EDA: variants seen among roughly 807,000 people sequenced by gnomAD.
EDA encodes ectodysplasin A, also known as ectodysplasin-A.
A neutral mutation model predicts 23.6 loss-of-function variants in EDA; 2 were observed. The ratio of observed to expected loss-of-function variants is 0.08; its 90% CI spans 0.03 to 0.27. The LOEUF (loss-of-function observed/expected upper bound fraction) is 0.27. Among genes scored for constraint, EDA ranks in the 10% least tolerant of loss-of-function variants. The pLI is 1.00. For synonymous variants in EDA, 131 were observed against 132.0 expected (o/e 0.99, Z 0.05); for missense variants, 229 against 324.2 (o/e 0.71, Z 2.26).
chrX:69,980,353 T>A (rs985626036), intron 2 of EDA, among the ~76,000 whole-genome samples: 5 of 112,051 alleles, frequency 4.5e-5, no homozygotes, highest in African/African-American at 1.6e-4. Context: ...AATAACAGAC[T>A]GCATTTTGCC....
chrX:69,735,693 C>T (rs1264758805), intron 1 of EDA, among the ~76,000 whole-genome samples: 6 of 110,930 alleles, frequency 5.4e-5, no homozygotes, highest in Non-Finnish European at 1.1e-4. Flanking sequence ...ATTCATGAAC[C>T]CACTCTTGAG....
intron 1 of EDA, among the ~76,000 whole-genome samples, chrX:69,787,177 A>G (rs368935897): frequency 1.0e-5 from 1 of 97,330 alleles, no homozygotes; most frequent in East Asian, 3.1e-4. Flanking sequence ...TTTTGAGCCT[A>G]TGTGTGTCTC....
intron 1 of EDA, among the ~76,000 whole-genome samples, chrX:69,730,553 T>G (rs1183698057): frequency 8.9e-6 from 1 of 112,147 alleles, no homozygotes; most frequent in Non-Finnish European, 1.9e-5. Context: ...AAATCCTTTC[T>G]AGTCTTCAGA....
chrX:69,795,015 T>G (rs1316934049), intron 1 of EDA, among the ~76,000 whole-genome samples: 1 of 111,457 alleles, frequency 9.0e-6, no homozygotes, highest in Non-Finnish European at 1.9e-5. Flanking sequence ...ACATATTTAT[T>G]TATTTTTTAT....
At chrX:69,752,130 A>G (rs1487216678) in intron 1 of EDA, among the ~76,000 whole-genome samples, 1 of 111,211 alleles carries the variant, frequency 9.0e-6, no homozygotes, top group African/African-American at 3.3e-5. Context: ...AGGAGTGGTG[A>G]GAGAGGACAT....
intron 1 of EDA, among the ~76,000 whole-genome samples, chrX:69,794,576 C>A (rs2015496978): frequency 8.9e-6 from 1 of 112,103 alleles, no homozygotes; most frequent in Non-Finnish European, 1.9e-5. Context: ...CTATGAATTT[C>A]TAAAAGACTC....
chrX:69,963,328 T>G (rs748801247), intron 2 of EDA, among the ~76,000 whole-genome samples: 6 of 112,169 alleles, frequency 5.3e-5, no homozygotes, highest in Non-Finnish European at 1.1e-4. Flanking sequence ...GCTCTTGTAT[T>G]TATTGCTTTC....
At chrX:69,829,174 T>G (rs753131060) in intron 1 of EDA, among the ~76,000 whole-genome samples, 24 of 112,612 alleles carry the variant, frequency 2.1e-4, no homozygotes, top group Non-Finnish European at 4.1e-4. Flanking sequence ...CTTTTCTATC[T>G]TGTTCATAGG....
At chrX:69,769,632 T>C (rs1319304615) in intron 1 of EDA, among the ~76,000 whole-genome samples, 2 of 111,633 alleles carry the variant, frequency 1.8e-5, no homozygotes, top group African/African-American at 3.3e-5. Flanking sequence ...TTAAGTATCA[T>C]TATAATTATA....
intron 2 of EDA, among the ~76,000 whole-genome samples, chrX:69,959,933 G>C (rs903407812): frequency 8.9e-6 from 1 of 111,878 alleles, no homozygotes; most frequent in African/African-American, 3.2e-5. Context: ...AGAAAGATCA[G>C]TGTGGCTGGG....
At chrX:69,784,042 G>A (rs1326696646) in intron 1 of EDA, among the ~76,000 whole-genome samples, 9 of 108,685 alleles carry the variant, frequency 8.3e-5, no homozygotes, top group African/African-American at 3.0e-4. Context: ...CTGATGGCCA[G>A]TGATGGTGAG....
intron 1 of EDA, among the ~76,000 whole-genome samples, chrX:69,624,104 C>T (rs942513452): frequency 9.0e-6 from 1 of 111,666 alleles, no homozygotes; most frequent in Non-Finnish European, 1.9e-5. Context: ...CCTAGAAGAA[C>T]ACATGGATGC....
chrX:69,802,080 A>G (rs1602423236), intron 1 of EDA, among the ~76,000 whole-genome samples: 1 of 111,400 alleles, frequency 9.0e-6, no homozygotes, highest in East Asian at 2.8e-4. Context: ...CACATTGTTT[A>G]TAATATCAAG....
At chrX:69,817,346 C>A (rs994274897) in intron 1 of EDA, among the ~76,000 whole-genome samples, 1 of 111,490 alleles carries the variant, frequency 9.0e-6, no homozygotes, top group Non-Finnish European at 1.9e-5. Context: ...ATCATAATGA[C>A]AGGATTAAAC....
chrX:69,849,376 C>T (rs2017078355), intron 1 of EDA, among the ~76,000 whole-genome samples: 1 of 111,943 alleles, frequency 8.9e-6, no homozygotes, highest in African/African-American at 3.2e-5. Flanking sequence ...GGTAGTGTCT[C>T]ATTGCTTTTG....
chrX:69,958,629 A>G (rs1322293603), intron 2 of EDA, among the ~76,000 whole-genome samples: 1 of 111,426 alleles, frequency 9.0e-6, no homozygotes, highest in Non-Finnish European at 1.9e-5. Flanking sequence ...GCCATTCTCT[A>G]GAGAAGTCAT....
At chrX:69,924,205 A>G (rs1569374521) in intron 1 of EDA, among the ~76,000 whole-genome samples, 1 of 111,613 alleles carries the variant, frequency 9.0e-6, no homozygotes, top group East Asian at 2.8e-4. Flanking sequence ...TTTTGTTGCA[A>G]TTGCTTTTGG....
At chrX:69,949,729 T>C (rs903376517) in intron 1 of EDA, among the ~76,000 whole-genome samples, 3 of 111,802 alleles carry the variant, frequency 2.7e-5, no homozygotes, top group Admixed American at 1.9e-4. Flanking sequence ...GTATGTCCCC[T>C]CCAAAATGTA....
intron 1 of EDA, among the ~76,000 whole-genome samples, chrX:69,888,704 A>T (rs1374693620): frequency 9.3e-6 from 1 of 107,330 alleles, no homozygotes; most frequent in East Asian, 3.0e-4. Context: ...GAGACAAAGC[A>T]GGTAATTATA....
Sources: allele counts gnomAD v4.1 joint callset (sites outside exome capture counted in the v4.1 genomes callset), GRCh38; gene constraint gnomAD v4.1.1; transcripts MANE v1.5; gene names NCBI Gene and HGNC (gene_info 2026-07-23, HGNC 2026-07-21).